Variants in STARD9 observed in about 807,000 individuals in gnomAD.
STARD9 encodes the protein stAR-related lipid transfer protein 9.
STARD9 carries 346 observed loss-of-function variants against 399.8 expected under a neutral mutation model. The ratio of observed to expected loss-of-function variants is 0.87; its 90% CI spans 0.79 to 0.95. The LOEUF (loss-of-function observed/expected upper bound fraction) is 0.95, where lower values mean the gene tolerates loss of function less well. STARD9 is among the 40% of genes least tolerant of loss of function. The pLI is 0.00. For missense variants in STARD9, 5,832 were observed against 5,667.5 expected (o/e 1.03, Z -0.93); for synonymous variants, 2,203 against 2,143.5 (o/e 1.03, Z -0.77).
chr15:42,628,354 A>G (rs1016187623), intron 3 of STARD9, among the ~76,000 whole-genome samples: 1 of 152,116 alleles, frequency 6.6e-6, no homozygotes, highest in Non-Finnish European at 1.5e-5. Flanking sequence ...GATAGTTTGC[A>G]GATATATTCG....
intron 15 of STARD9, among the ~76,000 whole-genome samples, chr15:42,668,822 G>A (rs2060151875): frequency 1.3e-5 from 2 of 152,108 alleles, no homozygotes; most frequent in African/African-American, 4.8e-5. Context: ...AAACATAGAT[G>A]TCTAACATCC....
intron 20 of STARD9, among the ~76,000 whole-genome samples, chr15:42,676,916 G>A (rs16957031): frequency 5.3e-5 from 8 of 151,746 alleles, no homozygotes; most frequent in Admixed American, 1.3e-4. Context: ...ACAATCTTAT[G>A]TCTGACCTTG....
intron 3 of STARD9, among the ~76,000 whole-genome samples, chr15:42,587,086 G>C (rs1354217709): frequency 1.3e-5 from 2 of 151,990 alleles, no homozygotes; most frequent in African/African-American, 4.8e-5. Context: ...GAACTCCTCA[G>C]CTCAAGCAAT....
At chr15:42,653,994 T>G (rs2059815856) in intron 9 of STARD9, among the ~76,000 whole-genome samples, 1 of 152,186 alleles carries the variant, frequency 6.6e-6, no homozygotes, top group African/African-American at 2.4e-5. Flanking sequence ...TAAGTTAGTA[T>G]TATTTTAAAG....
intron 3 of STARD9, among the ~76,000 whole-genome samples, chr15:42,611,108 G>T (rs1373426008): frequency 6.6e-6 from 1 of 152,094 alleles, no homozygotes; most frequent in African/African-American, 2.4e-5. Context: ...CTCTAAAAAG[G>T]ACTTTTGCCC....
chr15:42,718,961 C>G lies in STARD9; in HGVS notation c.14001+51C>G. ...CACAGCACAGGCTGACTTGGTCCCA[C>G]AGCCCCCTGGGATTTTTCTGTCTCG... On this transcript the variant is annotated intron_variant, in intron 32 of 32. Coordinates refer to ENST00000290607, the MANE Select transcript of STARD9 (RefSeq NM_020759.3). 5 of 1,501,998 alleles carry G rather than the reference C, an allele frequency of 3.3e-6. No individual in the cohort carries two copies. In the South Asian group the frequency reaches 6.1e-5, roughly 18 times the overall value. The allele number at this position is 1,501,998 out of a possible 1,614,324, so 93.0% of individuals were successfully genotyped here.
rs2059394029 is a variant in STARD9 at position 42,635,062 on chromosome 15, G to A, written c.351+90G>A. ...TACTGTGAGACAGAATATGATTTCT[G>A]TAGGCAGTCAACTTTAAAGAAGATT... is the stretch of plus-strand genomic sequence containing the variant. On this transcript the variant is annotated intron_variant, in intron 4 of 32. Coordinates refer to ENST00000290607, the MANE Select transcript of STARD9 (RefSeq NM_020759.3). 4.8e-6 allele frequency: 3 copies of A among 622,220 alleles called. No individual in the cohort carries two copies. In the South Asian group the frequency reaches 9.0e-5, roughly 19 times the overall value. 38.5% of individuals were successfully genotyped at this position (622,220 alleles called of 1,614,324 possible). A position where few individuals can be genotyped will look rare whatever the true frequency, so the allele number is the denominator to read the frequency against.
At chr15:42,707,995 A>G (rs572358923) in intron 26 of STARD9, among the ~76,000 whole-genome samples, 2 of 147,982 alleles carry the variant, frequency 1.4e-5, no homozygotes, top group Non-Finnish European at 3.0e-5. Flanking sequence ...GCAACATAGA[A>G]AAAAAAAAAA....
chr15:42,645,076 A>G (rs539832266), intron 7 of STARD9, among the ~76,000 whole-genome samples: 3 of 152,286 alleles, frequency 2.0e-5, no homozygotes, highest in African/African-American at 7.2e-5. Flanking sequence ...TGAACCCCTT[A>G]AAGTCATTCA....
At chr15:42,702,918 T>G (rs1386738209) in intron 26 of STARD9, among the ~76,000 whole-genome samples, 1 of 152,180 alleles carries the variant, frequency 6.6e-6, no homozygotes, top group Admixed American at 6.5e-5. Flanking sequence ...TGGAGCTCCT[T>G]TACTTGTTAT....
Position 42,692,343 on chromosome 15 carries a change from C to T in STARD9, c.10765C>T (p.Gln3589Ter). The T allele has an allele frequency of 6.5e-7, 1 of 1,537,004 alleles. No homozygotes were observed. Among genetic ancestry groups the T allele is most frequent in the Non-Finnish European group, 8.7e-7 (1 of 1,146,898 alleles). ...CACTTCGGGTCATGACAGAAGGCCT[C>T]AGTTCAGGGGCCCTTCTGGTGAAGC... ...APTSGHDRRP[Q>*]FRGPSGEADC... The change falls in exon 23 of 33, where the codon CAG (glutamine) becomes TAG (stop). Residue 3589 changes from glutamine to a stop codon, truncating the protein, a stop_gained. Coordinates refer to ENST00000290607, the MANE Select transcript of STARD9 (RefSeq NM_020759.3). LOFTEE classifies it high-confidence loss of function.
Position 42,663,842 on chromosome 15 carries a change from C to G in STARD9, c.1101C>G (p.Ser367Arg), listed in dbSNP as rs1349900583. Residue 367 changes from serine to arginine, a missense_variant, in exon 13 of 33, where the codon AGC becomes AGG. Physicochemically the swap from Ser to Arg is moderately radical, Grantham distance 110. This residue lies in a region of STARD9 where 5,828 missense variants were observed against 5,651.1 expected (regional missense o/e 1.03). Transcript: ENST00000290607. ...CAGCGGTGTCTCCTGCACACACTAG[C>G]TACAGTGAGACCATGAGCACACTGA... ...MVATVSPAHT[S>R]YSETMSTLRY... 32 of 1,536,546 alleles carry G rather than the reference C, an allele frequency of 2.1e-5. No individual in the cohort carries two copies. Among genetic ancestry groups the G allele is most frequent in the Non-Finnish European group, 2.8e-5 (32 of 1,146,362 alleles).
At chr15:42,602,662 G>T (rs2058651106) in intron 3 of STARD9, among the ~76,000 whole-genome samples, 1 of 152,168 alleles carries the variant, frequency 6.6e-6, no homozygotes. Context: ...GTCAACCAGA[G>T]CCTGAAGTGA....
At chr15:42,664,001 T>G (rs1055333638) in intron 13 of STARD9, 84 bp downstream of exon 13, 36 of 932,004 alleles carry the variant, frequency 3.9e-5, no homozygotes, top group Non-Finnish European at 5.7e-5. Context: ...TTCTTTCTCT[T>G]TGTACTCACC....
chr15:42,692,456 A>G lies in STARD9; in HGVS notation c.10878A>G (p.Ala3626=), dbSNP rs1285409692. The G allele has an allele frequency of 5.9e-6, 9 of 1,537,144 alleles. No individual in the cohort carries two copies. The East Asian group carries it at 1.7e-4, about 29-fold the overall frequency. The change falls in exon 23 of 33, where the codon GCA becomes GCG. Residue 3626 remains alanine (A), a synonymous_variant. Transcript: ENST00000290607. The part of the protein sequence containing the change: ...DEIMLLYPSE[A]GCPVGQTRTN... The stretch of plus-strand genomic sequence containing the variant: ...TTATGCTGCTGTATCCATCAGAGGC[A>G]GGCTGCCCTGTGGGACAGACCAGGA...
chr15:42,607,085 C>G (rs967371045), intron 3 of STARD9, among the ~76,000 whole-genome samples: 1 of 151,098 alleles, frequency 6.6e-6, no homozygotes, highest in Non-Finnish European at 1.5e-5. Flanking sequence ...GTAGCTGGGA[C>G]TACAGGCATG....
intron 22 of STARD9, among the ~76,000 whole-genome samples, chr15:42,682,887 G>A (rs987076483): frequency 7.9e-5 from 12 of 151,962 alleles, no homozygotes; most frequent in African/African-American, 2.9e-4. Context: ...ATCCATATAC[G>A]TTTCCTTGTA....
Position 42,719,523 on chromosome 15 carries a change from C to T in STARD9, c.14052C>T (p.Ile4684=), listed in dbSNP as rs1284928609. The T allele has an allele frequency of 6.5e-7, 1 of 1,537,132 alleles. No individual in the cohort carries two copies. The highest frequency in any genetic ancestry group is 2.0e-5 in the Admixed American group (1 of 50,988). Residue 4684 remains isoleucine, a synonymous_variant, in exon 33 of 33, where the codon ATC becomes ATT. Coordinates refer to ENST00000290607, the MANE Select transcript of STARD9 (RefSeq NM_020759.3). ...GFPPQLLSSF[I]KRQPLVIARL... is the part of the protein sequence containing the mutation. ...CACCTCAGCTCCTGAGCTCTTTCAT[C>T]AAACGGCAGCCACTGGTTATAGCCA...
chr15:42,635,836 A>G (rs1233124063), intron 4 of STARD9, among the ~76,000 whole-genome samples: 2 of 152,204 alleles, frequency 1.3e-5, no homozygotes, highest in Admixed American at 6.5e-5. Flanking sequence ...GCCAAGCTCC[A>G]AGCCTACATG....
Sources: gnomAD v4.1 joint callset for allele counts (sites outside exome capture counted in the v4.1 genomes callset) on GRCh38, gnomAD v4.1.1 for gene constraint, gnomAD v4.1.1 regional missense constraint, MANE v1.5 for transcripts, NCBI Gene and HGNC (gene_info 2026-07-23, HGNC 2026-07-21) for gene names.